Variants in SEL1L2 observed in about 807,000 individuals in gnomAD.
SEL1L2 encodes SEL1L2 adaptor subunit of SYVN1 ubiquitin ligase, also known as protein sel-1 homolog 2.
Under a neutral mutation model 98.8 loss-of-function variants are expected in SEL1L2, and 89 were observed. That is an observed-to-expected ratio of 0.90 (90% confidence interval 0.76 to 1.07). The LOEUF (loss-of-function observed/expected upper bound fraction) is 1.07, where lower values mean the gene tolerates loss of function less well. SEL1L2 is among the 50% of genes least tolerant of loss of function. SEL1L2 has a pLI of 0.00. For synonymous variants in SEL1L2, 262 were observed against 278.5 expected (o/e 0.94, Z 0.59); for missense variants, 788 against 812.0 (o/e 0.97, Z 0.36).
chr20:13,868,635 T>C (rs1378158157), intron 14 of SEL1L2, among the ~76,000 whole-genome samples: 4 of 149,292 alleles, frequency 2.7e-5, no homozygotes, highest in Non-Finnish European at 4.4e-5. Flanking sequence ...AGATGGAGTC[T>C]CACTCTGTTG....
intron 2 of SEL1L2, among the ~76,000 whole-genome samples, chr20:13,952,982 T>C (rs907782356): frequency 6.6e-5 from 10 of 152,164 alleles, no homozygotes; most frequent in Non-Finnish European, 1.3e-4. Flanking sequence ...GCCTTCTTTT[T>C]TCCTCCTCTT....
At chr20:13,890,293 C>T (rs6131533) in intron 5 of SEL1L2, among the ~76,000 whole-genome samples, 4,978 of 152,168 alleles carry the variant, frequency 0.033, 170 homozygotes, top group South Asian at 0.19. Context: ...TTTTCCATCC[C>T]TAGGGGCTAC....
rs149200876 is a variant in SEL1L2, at chr20:13,945,358, T to C, written c.114+10718A>G. On this transcript the variant is annotated intron_variant, in intron 2 of 19. Coordinates refer to ENST00000284951, the MANE Select transcript of SEL1L2 (RefSeq NM_025229.2). ...CTATTAATGAAAACAATGTATTTCCTGAATCCCTACTTGGGGTATTCTATA... is the reference window on the plus strand; with the variant it reads ...CTATTAATGAAAACAATGTATTTCCCGAATCCCTACTTGGGGTATTCTATA... 5.0e-3 allele frequency among the ~76,000 whole-genome samples: 756 copies of C among 152,282 alleles called. 9 individuals are homozygous for C. Among genetic ancestry groups the C allele is most frequent in the African/African-American group, 0.017 (699 of 41,572 alleles).
At chr20:13,972,012 T>G (rs563309461) in intron 1 of SEL1L2, among the ~76,000 whole-genome samples, 11 of 152,260 alleles carry the variant, frequency 7.2e-5, no homozygotes, top group African/African-American at 1.7e-4. Context: ...TAATTGCATA[T>G]TTTACTATCT....
At chr20:13,923,139 T>C (rs889158523) in intron 3 of SEL1L2, among the ~76,000 whole-genome samples, 4 of 152,236 alleles carry the variant, frequency 2.6e-5, no homozygotes, top group African/African-American at 9.6e-5. Context: ...ATCTTAAATT[T>C]GACACAAACA....
At chr20:13,888,122 A>C in intron 6 of SEL1L2, 121 bp from the exon 7 acceptor site, 1 of 809,176 alleles carries the variant, frequency 1.2e-6, no homozygotes, top group Non-Finnish European at 2.0e-6. Context: ...AGTTACTCCA[A>C]AATAAATTTC....
intron 12 of SEL1L2, among the ~76,000 whole-genome samples, chr20:13,873,887 C>G (rs939065766): frequency 6.6e-6 from 1 of 152,104 alleles, no homozygotes; most frequent in Non-Finnish European, 1.5e-5. Context: ...TAGTTGAGGA[C>G]ACATGGCCTT....
chr20:13,956,830 G>A (rs1239882489), intron 1 of SEL1L2, among the ~76,000 whole-genome samples: 1 of 152,058 alleles, frequency 6.6e-6, no homozygotes, highest in African/African-American at 2.4e-5. Context: ...ACATCATGAT[G>A]TTTCAACTTT....
intron 2 of SEL1L2, among the ~76,000 whole-genome samples, chr20:13,940,952 A>G (rs2049748745): frequency 6.6e-6 from 1 of 152,230 alleles, no homozygotes; most frequent in Admixed American, 6.5e-5. Flanking sequence ...ATTGCAGTCA[A>G]CTAGGCGAAG....
intron 17 of SEL1L2, among the ~76,000 whole-genome samples, chr20:13,860,728 TGG>T: frequency 6.6e-6 from 1 of 152,248 alleles, no homozygotes; most frequent in East Asian, 1.9e-4. Context: ...ACTCTTTCTC[TGG>T]GTGACCTTGT....
At chr20:13,882,942 A>G (rs1048988641) in intron 10 of SEL1L2, among the ~76,000 whole-genome samples, 1 of 146,440 alleles carries the variant, frequency 6.8e-6, no homozygotes, top group Non-Finnish European at 1.5e-5. Flanking sequence ...TCAGCCTCCC[A>G]AGTAGCTGGG....
At chr20:13,935,321 C>T (rs149221371) in intron 2 of SEL1L2, among the ~76,000 whole-genome samples, 1 of 152,172 alleles carries the variant, frequency 6.6e-6, no homozygotes, top group African/African-American at 2.4e-5. Flanking sequence ...AACCAACCAA[C>T]CAAACAAACA....
At chr20:13,940,994 T>C (rs1384108119) in intron 2 of SEL1L2, among the ~76,000 whole-genome samples, 1 of 152,144 alleles carries the variant, frequency 6.6e-6, no homozygotes, top group Non-Finnish European at 1.5e-5. Context: ...GCAGAAGCAA[T>C]GGAGATAAAT....
At chr20:13,937,370 T>C (rs2049506417) in intron 2 of SEL1L2, among the ~76,000 whole-genome samples, 1 of 152,162 alleles carries the variant, frequency 6.6e-6, no homozygotes, top group Non-Finnish European at 1.5e-5. Flanking sequence ...ACATGCGCAC[T>C]GGGGGAAGTG....
chr20:13,981,147 C>A (rs1297676015), intron 1 of SEL1L2, among the ~76,000 whole-genome samples: 1 of 152,178 alleles, frequency 6.6e-6, no homozygotes, highest in African/African-American at 2.4e-5. Flanking sequence ...GAGGCTGAGA[C>A]AGGAGAATCA....
chr20:13,863,640 G>A (rs1276174538), intron 17 of SEL1L2, among the ~76,000 whole-genome samples: 1 of 152,118 alleles, frequency 6.6e-6, no homozygotes, highest in Non-Finnish European at 1.5e-5. Flanking sequence ...ATTTTTAGCA[G>A]CCTGACTTTT....
rs571997058 is a variant in SEL1L2, at chr20:13,869,512, T to G, written c.1246A>C (p.Met416Leu). Reference sequence around the variant, plus strand: ...TATTTGTGGCACTTACAGTAGTACATGAAGCCTAACTGGAACTGTGCGTCG... The same window carrying G: ...TATTTGTGGCACTTACAGTAGTACAGGAAGCCTAACTGGAACTGTGCGTCG... ...WPDAQFQLGF[M>L]YYSGSGIWKD... Residue 416 changes from methionine (M) to leucine (L), a missense_variant, in exon 14 of 20, where the codon ATG (methionine) becomes CTG (leucine). Met to Leu is a conservative substitution (Grantham distance 15, BLOSUM62 2). Coordinates refer to ENST00000284951, the MANE Select transcript of SEL1L2 (RefSeq NM_025229.2). 19 of 1,613,400 alleles carry G rather than the reference T, an allele frequency of 1.2e-5. No homozygotes were observed. The highest frequency in any genetic ancestry group is 1.3e-5 in the Non-Finnish European group (15 of 1,179,416).
At chr20:13,933,775 G>T (rs996931166) in intron 2 of SEL1L2, among the ~76,000 whole-genome samples, 1 of 152,044 alleles carries the variant, frequency 6.6e-6, no homozygotes, top group African/African-American at 2.4e-5. Context: ...GTGGAGAAAA[G>T]GTTTCTGTTT....
At position 13,907,656 on chromosome 20, in the gene SEL1L2, A is replaced by G. The variant is rs1424205030; in HGVS notation, c.549+6126T>C. On this transcript the variant is annotated intron_variant, in intron 5 of 19. Coordinates refer to ENST00000284951, the MANE Select transcript of SEL1L2 (RefSeq NM_025229.2). The stretch of plus-strand genomic sequence containing the variant: ...TTAAATTAAGCTTTAAGGGCAATAC[A>G]ATGCAAATGAGTAATTTCTCTTTTT... Among the ~76,000 whole-genome samples the G allele has an allele frequency of 2.0e-5, 3 of 152,050 alleles. No individual in the cohort carries two copies. The East Asian group carries it at 5.8e-4, about 29-fold the overall frequency.
Sources: gnomAD v4.1 joint callset for allele counts (sites outside exome capture counted in the v4.1 genomes callset) on GRCh38, gnomAD v4.1.1 for gene constraint, MANE v1.5 for transcripts, NCBI Gene and HGNC (gene_info 2026-07-23, HGNC 2026-07-21) for gene names.